The following PCLO variants were observed in gnomAD, a reference collection of about 807,000 sequenced individuals.
PCLO encodes the protein protein piccolo.
A neutral mutation model predicts 427.5 loss-of-function variants in PCLO; 82 were observed. The ratio of observed to expected loss-of-function variants is 0.19; its 90% confidence interval spans 0.16 to 0.23. The LOEUF (loss-of-function observed/expected upper bound fraction) is 0.23, where lower values mean the gene tolerates loss of function less well. Ranked by LOEUF, PCLO falls within the 10% of genes least tolerant of loss-of-function variation. PCLO has a pLI of 1.00. For missense variants in PCLO, 6,239 were observed against 6,115.9 expected (o/e 1.02, Z -0.67); for synonymous variants, 2,357 against 2,155.4 (o/e 1.09, Z -2.59).
At chr7:82,809,469 G>A (rs974511678) in intron 20 of PCLO, among the ~76,000 whole-genome samples, 1 of 151,650 alleles carries the variant, frequency 6.6e-6, no homozygotes, top group Non-Finnish European at 1.5e-5. Flanking sequence ...CCATTCAGAA[G>A]TGACCTCTCC....
intron 22 of PCLO, among the ~76,000 whole-genome samples, chr7:82,792,850 T>C (rs1402294123): frequency 6.6e-6 from 1 of 152,176 alleles, no homozygotes; most frequent in African/African-American, 2.4e-5. Context: ...ATATGAAGAT[T>C]TAGCTTTTCT....
rs139806732 is a variant in PCLO at position 83,147,166 on chromosome 7, T to C, written c.1893+7582A>G. On this transcript the variant is annotated intron_variant, in intron 2 of 24. Transcript: ENST00000333891. ...ATATGCCTAGGTGTATATTAACACA[T>C]AAATCCAGGGAATATCCAAATCATA... 5.9e-3 allele frequency among the ~76,000 whole-genome samples: 899 copies of C among 151,774 alleles called. 12 individuals are homozygous for C. Among genetic ancestry groups the C allele is most frequent in the African/African-American group, 0.019 (800 of 41,404 alleles).
intron 17 of PCLO, among the ~76,000 whole-genome samples, chr7:82,827,094 T>C (rs558925563): frequency 2.0e-4 from 31 of 152,050 alleles, no homozygotes; most frequent in Non-Finnish European, 4.1e-4. Context: ...GAGTTTATTT[T>C]AAATTCACAA....
rs1787731298 is a variant in PCLO, at chr7:82,999,491, ATATATAT to A, written c.3301-33011_3301-33005del. Reference sequence around the variant, plus strand: ...TATATATCCATTATTATAAAATATAATATATATAATATTATATTAAAATATAAAATAT... The same window carrying A: ...TATATATCCATTATTATAAAATATAAAATATTATATTAAAATATAAAATAT... On this transcript the variant is annotated intron_variant, in intron 3 of 24. Transcript: ENST00000333891. Among the ~76,000 whole-genome samples the A allele has an allele frequency of 8.8e-4, 17 of 19,262 alleles. 7 individuals are homozygous for A. In the African/African-American group the frequency reaches 0.01, roughly 12 times the overall value. The allele number at this position is 19,262 out of a possible 152,430, so 12.6% of individuals were successfully genotyped here.
chr7:82,995,959 T>C (rs1042728627), intron 3 of PCLO, among the ~76,000 whole-genome samples: 1 of 148,956 alleles, frequency 6.7e-6, no homozygotes, highest in African/African-American at 2.6e-5. Flanking sequence ...ATGTTTATCA[T>C]TATATTTAAG....
chr7:82,877,214 G>C (rs1486932788), intron 10 of PCLO, among the ~76,000 whole-genome samples: 1 of 152,006 alleles, frequency 6.6e-6, no homozygotes, highest in African/African-American at 2.4e-5. Flanking sequence ...CTTCCTCATA[G>C]AATATACTGC....
chr7:83,090,798 T>C (rs1322967251), intron 3 of PCLO, among the ~76,000 whole-genome samples: 2 of 152,178 alleles, frequency 1.3e-5, no homozygotes, highest in Admixed American at 6.5e-5. Flanking sequence ...TTCAGTAAAA[T>C]TCCATTTTAC....
intron 6 of PCLO, among the ~76,000 whole-genome samples, chr7:82,923,478 A>G (rs931980341): frequency 2.0e-5 from 3 of 152,122 alleles, no homozygotes; most frequent in African/African-American, 2.4e-5. Context: ...TGGTTATTAC[A>G]TACCAGTCAA....
Position 82,954,524 on chromosome 7 carries a change from A to T in PCLO, c.6429T>A (p.Asp2143Glu). 6.2e-7 allele frequency: 1 copy of T among 1,613,948 alleles called. No homozygotes were observed. Among genetic ancestry groups the T allele is most frequent in the Non-Finnish European group, 8.5e-7 (1 of 1,179,832 alleles). Residue 2143 changes from aspartate to glutamate, a missense_variant, in exon 5 of 25, where the codon GAT becomes GAA. Asp to Glu is a conservative substitution (Grantham distance 45). Coordinates refer to ENST00000333891, the MANE Select transcript of PCLO (RefSeq NM_033026.6). ...CTCTTGTATAATCGGTTACATATTC[A>T]TCCTCAATTTCTTCTGTTGAAAAAT... ...TQHFSTEEIE[D>E]EYVTDYTREI...
chr7:82,854,143 C>T (rs538043726), intron 10 of PCLO, among the ~76,000 whole-genome samples: 2 of 152,190 alleles, frequency 1.3e-5, no homozygotes, highest in South Asian at 2.1e-4. Flanking sequence ...CTCTCAGTGG[C>T]AGTTGTCCAG....
At position 82,967,321 on chromosome 7, in the gene PCLO, C is replaced by T. The variant is rs189523084; in HGVS notation, c.3301-834G>A. ...CTCCTGAGTACCTGGGATTCAGGCA[C>T]GCGCCACCCATGCCCGGCTAATTTT... On this transcript the variant is annotated intron_variant, in intron 3 of 24. Transcript: ENST00000333891. 2.0e-3 allele frequency among the ~76,000 whole-genome samples: 304 copies of T among 151,184 alleles called. 2 individuals carry two copies. The highest frequency in any genetic ancestry group is 6.6e-3 in the African/African-American group (274 of 41,250).
At chr7:82,933,167 C>T (rs982999050) in intron 6 of PCLO, among the ~76,000 whole-genome samples, 5 of 152,010 alleles carry the variant, frequency 3.3e-5, no homozygotes, top group African/African-American at 1.2e-4. Context: ...TCTTTCCTGG[C>T]TGACAGTTCC....
intron 3 of PCLO, among the ~76,000 whole-genome samples, chr7:83,127,861 G>A (rs920494821): frequency 1.3e-5 from 2 of 152,100 alleles, no homozygotes; most frequent in African/African-American, 4.8e-5. Flanking sequence ...GCTTACTAAT[G>A]ATTAGCAGGA....
intron 3 of PCLO, among the ~76,000 whole-genome samples, chr7:83,054,555 A>T (rs909005097): frequency 6.6e-6 from 1 of 152,070 alleles, no homozygotes; most frequent in Admixed American, 6.6e-5. Context: ...TAAAGATATT[A>T]ATATTATGGT....
intron 3 of PCLO, among the ~76,000 whole-genome samples, chr7:83,084,126 A>G (rs552905638): frequency 1.7e-4 from 26 of 152,240 alleles, no homozygotes; most frequent in Middle Eastern, 6.8e-3. Context: ...ATTCTAGACC[A>G]TCTATCAATG....
chr7:82,760,941 G>GTTT (rs1324417909), intron 23 of PCLO, among the ~76,000 whole-genome samples, 157 bp from the exon 24 acceptor site: 1 of 87,978 alleles, frequency 1.1e-5, no homozygotes, highest in Non-Finnish European at 2.3e-5. Flanking sequence ...TAAAAGATAT[G>GTTT]TCTTTTTTTT....
chr7:82,955,311 T>G lies in PCLO; in HGVS notation c.5642A>C (p.Gln1881Pro), dbSNP rs1223571098. Residue 1881 changes from glutamine (Q) to proline (P), a missense_variant, in exon 5 of 25, where the codon CAA (glutamine) becomes CCA (proline). Physicochemically the swap from Gln to Pro is moderately conservative, Grantham distance 76 (BLOSUM62 -1). This residue lies in a region of PCLO where 4,677 missense variants were observed against 4,468.4 expected (regional missense o/e 1.05). Transcript: ENST00000333891. ...EISPEKIIEV[Q>P]KVYKLPTAVS... is the part of the protein sequence containing the mutation. The stretch of plus-strand genomic sequence containing the variant: ...AGCTGTGGGCAATTTATAAACTTTT[T>G]GTACTTCTATTATTTTTTCCGGGCT... 6.2e-7 allele frequency: 1 copy of G among 1,613,542 alleles called. No homozygotes were observed. Among genetic ancestry groups the G allele is most frequent in the African/African-American group, 1.3e-5 (1 of 74,974 alleles).
intron 3 of PCLO, among the ~76,000 whole-genome samples, chr7:83,060,675 G>A (rs1228776565): frequency 1.3e-5 from 2 of 152,180 alleles, no homozygotes; most frequent in African/African-American, 4.8e-5. Context: ...GCTTCTCTTA[G>A]GTGTATAAAA....
chr7:83,102,033 T>C (rs1356517622), intron 3 of PCLO, among the ~76,000 whole-genome samples: 1 of 152,040 alleles, frequency 6.6e-6, no homozygotes, highest in African/African-American at 2.4e-5. Flanking sequence ...GGGAAAACGT[T>C]TTTGTTAGAG....
Sources: gnomAD v4.1 joint callset for allele counts (sites outside exome capture counted in the v4.1 genomes callset) on GRCh38, gnomAD v4.1.1 for gene constraint, gnomAD v4.1.1 regional missense constraint, MANE v1.5 for transcripts, NCBI Gene and HGNC (gene_info 2026-07-23, HGNC 2026-07-21) for gene names.